KRABD5: variants seen among roughly 807,000 people sequenced by gnomAD.
The protein encoded by KRABD5 is KRAB domain-containing protein 5.
the KRABD5 span, among the ~76,000 whole-genome samples, chr16:31,746,380 G>A: frequency 9.2e-5 from 14 of 152,246 alleles, no homozygotes; most frequent in Admixed American, 7.8e-4. Context: ...TTGTAGCTTA[G>A]TTTGGCTGGA....
At chr16:31,761,439 G>A in the KRABD5 span, 3 of 152,034 alleles carry the variant, frequency 2.0e-5, no homozygotes, top group East Asian at 5.8e-4. Context: ...GTTTAATTTA[G>A]TGGTGAACCT....
the KRABD5 span, among the ~76,000 whole-genome samples, chr16:31,715,016 G>A: frequency 6.6e-6 from 1 of 152,148 alleles, no homozygotes. Context: ...TCTTTCATAG[G>A]GAGGAGCAAA....
chr16:31,750,378 T>C, the KRABD5 span, among the ~76,000 whole-genome samples: 1 of 152,224 alleles, frequency 6.6e-6, no homozygotes, highest in Non-Finnish European at 1.5e-5. Context: ...CTGAGTTTTG[T>C]ACTTTGATTT....
chr16:31,754,635 A>C, the KRABD5 span: 1 of 465,072 alleles, frequency 2.2e-6, no homozygotes, highest in Admixed American at 2.3e-5. Flanking sequence ...GCCAAATGTA[A>C]TAAGTGTATA....
the KRABD5 span, among the ~76,000 whole-genome samples, chr16:31,742,988 T>G: frequency 6.6e-6 from 1 of 152,220 alleles, no homozygotes; most frequent in African/African-American, 2.4e-5. Context: ...TCATATCCTT[T>G]GCCCACTTTT....
chr16:31,753,659 C>G, the KRABD5 span: 1 of 1,083,042 alleles, frequency 9.2e-7, no homozygotes, highest in Non-Finnish European at 1.2e-6. Context: ...GTTTTTGATT[C>G]AACTATCATG....
At chr16:31,721,681 C>G in the KRABD5 span, among the ~76,000 whole-genome samples, 1 of 151,988 alleles carries the variant, frequency 6.6e-6, no homozygotes, top group South Asian at 2.1e-4. Flanking sequence ...AGTAAGTGTT[C>G]AAAAAGGATT....
At chr16:31,725,650 G>GA in the KRABD5 span, among the ~76,000 whole-genome samples, 2 of 152,164 alleles carry the variant, frequency 1.3e-5, no homozygotes, top group East Asian at 3.8e-4. Flanking sequence ...CTCATGATCT[G>GA]ATATCTCATT....
the KRABD5 span, among the ~76,000 whole-genome samples, chr16:31,726,907 C>G: frequency 1.3e-5 from 2 of 152,156 alleles, no homozygotes; most frequent in African/African-American, 4.8e-5. Flanking sequence ...TTTTTCCAGT[C>G]CATGAACAAG....
At chr16:31,720,322 G>A in the KRABD5 span, among the ~76,000 whole-genome samples, 262 of 152,314 alleles carry the variant, frequency 1.7e-3, no homozygotes, top group African/African-American at 5.8e-3. Context: ...TGGGTGTAAG[G>A]GACCCTGTGT....
At chr16:31,732,221 G>A in the KRABD5 span, among the ~76,000 whole-genome samples, 6 of 152,206 alleles carry the variant, frequency 3.9e-5, no homozygotes, top group African/African-American at 1.4e-4. Context: ...GTCAGAAATT[G>A]TGACCTGGAT....
the KRABD5 span, among the ~76,000 whole-genome samples, chr16:31,737,550 A>G: frequency 2.0e-5 from 3 of 152,296 alleles, no homozygotes; most frequent in South Asian, 2.1e-4. Context: ...AATATGCCCA[A>G]TCCTATTTGT....
At chr16:31,747,615 A>G in the KRABD5 span, among the ~76,000 whole-genome samples, 1 of 152,118 alleles carries the variant, frequency 6.6e-6, no homozygotes, top group South Asian at 2.1e-4. Context: ...AACAGTGTAA[A>G]AGTGTTCCTA....
chr16:31,717,749 C>T, the KRABD5 span, among the ~76,000 whole-genome samples: 2 of 152,066 alleles, frequency 1.3e-5, no homozygotes, highest in Non-Finnish European at 2.9e-5. Context: ...TTATATTTCC[C>T]AAACACTGAG....
chr16:31,732,905 T>C, the KRABD5 span, among the ~76,000 whole-genome samples: 2 of 152,166 alleles, frequency 1.3e-5, no homozygotes, highest in Non-Finnish European at 2.9e-5. Flanking sequence ...GTTGTAAATA[T>C]CTAAAGCATT....
At chr16:31,716,331 G>T in the KRABD5 span, among the ~76,000 whole-genome samples, 2 of 152,120 alleles carry the variant, frequency 1.3e-5, no homozygotes, top group Non-Finnish European at 2.9e-5. Context: ...CACCAGTTCT[G>T]CACTGCCCCC....
the KRABD5 span, among the ~76,000 whole-genome samples, chr16:31,729,784 T>A: frequency 6.6e-6 from 1 of 152,122 alleles, no homozygotes; most frequent in Non-Finnish European, 1.5e-5. Flanking sequence ...TTGATTACTT[T>A]CTTTTTTTCT....
chr16:31,735,637 T>A, the KRABD5 span, among the ~76,000 whole-genome samples: 2 of 152,214 alleles, frequency 1.3e-5, no homozygotes, highest in Middle Eastern at 3.2e-3. Flanking sequence ...GGTATCTCAT[T>A]GTGGTTTGTA....
the KRABD5 span, among the ~76,000 whole-genome samples, chr16:31,725,172 G>GT: frequency 1.3e-5 from 2 of 151,166 alleles, no homozygotes; most frequent in Middle Eastern, 3.2e-3. Flanking sequence ...CTGGAGTGCA[G>GT]TGGCGCCATC....
Sources: gnomAD v4.1 joint callset for allele counts (sites outside exome capture counted in the v4.1 genomes callset) on GRCh38, gnomAD v4.1.1 for gene constraint, MANE v1.5 for transcripts, NCBI Gene and HGNC (gene_info 2026-07-23, HGNC 2026-07-21) for gene names.